Variants in ZNF562 observed in about 807,000 individuals in gnomAD.
The protein encoded by ZNF562 is zinc finger protein 562.
ZNF562 carries 13 observed loss-of-function variants against 17.5 expected under a neutral mutation model. The observed-to-expected ratio is 0.74, with a 90% CI of 0.48 to 1.18. The LOEUF (loss-of-function observed/expected upper bound fraction) is 1.18. Among genes scored for constraint, ZNF562 ranks in the 50% most tolerant of loss-of-function variants. The probability of loss-of-function intolerance (pLI) is 0.00; values close to 1 mark genes in which losing one functional copy is unlikely to be tolerated. For synonymous variants in ZNF562, 163 were observed against 165.4 expected (o/e 0.99, Z 0.11); for missense variants, 481 against 498.5 (o/e 0.96, Z 0.33).
chr19:9,657,864 A>AT (rs990325919), intron 4 of ZNF562, 145 bp downstream of exon 4: 1,312 of 1,145,700 alleles, frequency 1.1e-3, no homozygotes, highest in South Asian at 1.8e-3. Context: ...TATTCTTAGG[A>AT]TTTTTTTTTA....
chr19:9,666,323 C>CAA (rs112849375), intron 1 of ZNF562, among the ~76,000 whole-genome samples: 156 of 79,630 alleles, frequency 2.0e-3, no homozygotes, highest in Middle Eastern at 6.9e-3. Context: ...ACCTCCGTCT[C>CAA]AAAAAAAAAA....
chr19:9,655,647 T>TAACCTC (rs1488790744), intron 5 of ZNF562, among the ~76,000 whole-genome samples: 2 of 149,212 alleles, frequency 1.3e-5, no homozygotes, highest in Middle Eastern at 3.3e-3. Context: ...CTCAAAGTGC[T>TAACCTC]AACCTCAAGT....
intron 1 of ZNF562, among the ~76,000 whole-genome samples, chr19:9,669,715 C>T (rs10413953): frequency 0.16 from 18,671 of 114,634 alleles, 1,475 homozygotes; most frequent in Admixed American, 0.29. Flanking sequence ...TGCACGCGCG[C>T]GAGCGCGCGC....
intron 1 of ZNF562, among the ~76,000 whole-genome samples, chr19:9,661,791 T>C (rs888264800): frequency 1.2e-4 from 18 of 152,084 alleles, no homozygotes; most frequent in African/African-American, 4.3e-4. Context: ...CGAGACTCCA[T>C]CTCAAACAAC....
At chr19:9,656,871 A>AAAAAAATATATAT (rs376933513) in intron 4 of ZNF562, among the ~76,000 whole-genome samples, 20 of 142,442 alleles carry the variant, frequency 1.4e-4, no homozygotes, top group African/African-American at 3.4e-4. Context: ...AAAATACAAA[A>AAAAAAATATATAT]ATATATATAT....
intron 1 of ZNF562, among the ~76,000 whole-genome samples, chr19:9,667,216 T>C (rs893885418): frequency 1.3e-5 from 2 of 152,170 alleles, no homozygotes; most frequent in African/African-American, 4.8e-5. Flanking sequence ...GTTCAACATA[T>C]GCAAATCAAT....
In ZNF562 at chr19:9,643,626, GGCT is replaced by G. The variant is rs2074787511; in HGVS notation, c.*9320_*9322del. The stretch of plus-strand genomic sequence containing the variant: ...AAATGGAGTCTTGCTCTGTTGCCCA[GGCT>G]GGAATGCAGTGGCATGATCTTGGCT... On this transcript the variant is annotated 3_prime_UTR_variant, in exon 6 of 6. Transcript: ENST00000453372. 1 of 149,310 alleles carries G rather than the reference GGCT, an allele frequency of 6.7e-6. No homozygotes were observed. The highest frequency in any genetic ancestry group is 1.5e-5 in the Non-Finnish European group (1 of 67,600). 9.2% of individuals were successfully genotyped at this position (149,310 alleles called of 1,614,324 possible).
chr19:9,656,546 C>A lies in ZNF562; in HGVS notation c.348+1G>T. On this transcript the variant is annotated splice_donor_variant, in intron 5 of 5. Coordinates refer to ENST00000453372, the MANE Select transcript of ZNF562 (RefSeq NM_001130031.2). LOFTEE classifies it high-confidence loss of function. ...AAATAAGTATCCCTCATGAATCTTACCATTTGTATCCCAGTGAATATTTGA... is the reference window on the plus strand; with the variant it reads ...AAATAAGTATCCCTCATGAATCTTAACATTTGTATCCCAGTGAATATTTGA... 1.2e-6 allele frequency: 2 copies of A among 1,613,112 alleles called. No individual in the cohort carries two copies. The highest frequency in any genetic ancestry group is 4.5e-5 in the East Asian group (2 of 44,844).
chr19:9,663,070 C>A (rs2043816479), intron 1 of ZNF562, among the ~76,000 whole-genome samples: 1 of 151,400 alleles, frequency 6.6e-6, no homozygotes, highest in Admixed American at 6.6e-5. Context: ...TGGTACACAA[C>A]TAATGTAGAT....
At position 9,653,884 on chromosome 19, in the gene ZNF562, G is replaced by A. The variant is rs752438968; in HGVS notation, c.349-3C>T. ...CATCCACTGTAGCTTCTTGTCTGCT[G>A]ATGAGGGGATAAAGGATTTAAAATG... On this transcript the variant is annotated splice_polypyrimidine_tract_variant and splice_region_variant and intron_variant, in intron 5 of 5. Transcript: ENST00000453372. 13 of 1,545,346 alleles carry A rather than the reference G, an allele frequency of 8.4e-6. No homozygotes were observed. In the South Asian group the frequency reaches 1.7e-4, roughly 20 times the overall value.
intron 2 of ZNF562, 117 bp downstream of exon 2, chr19:9,660,603 T>C: frequency 5.0e-6 from 5 of 1,006,716 alleles, no homozygotes; most frequent in Non-Finnish European, 5.6e-6. Context: ...CAAAACTCCA[T>C]CTAAAAGAAA....
In ZNF562 at chr19:9,646,418, A is replaced by AT. The variant is rs1491160644; in HGVS notation, c.*6530dup. 2.0e-5 allele frequency: 3 copies of AT among 151,298 alleles called. No homozygotes were observed. The highest frequency in any genetic ancestry group is 6.6e-5 in the Admixed American group (1 of 15,238). The allele number at this position is 151,298 out of a possible 1,614,324, so 9.4% of individuals were successfully genotyped here. On this transcript the variant is annotated 3_prime_UTR_variant, in exon 6 of 6. Transcript: ENST00000453372. ...AGCTAAAGTATGTATAAAAAGACAC[A>AT]TTTTTTTAAAAAGCATACAGAAAGA...
At chr19:9,656,759 T>C in intron 4 of ZNF562, 106 bp from the exon 5 acceptor site, 1 of 1,129,556 alleles carries the variant, frequency 8.9e-7, no homozygotes, top group East Asian at 2.5e-5. Flanking sequence ...GCACGGTGAC[T>C]CAGGCCCGTA....
intron 1 of ZNF562, among the ~76,000 whole-genome samples, chr19:9,669,526 C>T (rs2044067220): frequency 1.3e-5 from 2 of 151,992 alleles, no homozygotes; most frequent in African/African-American, 4.8e-5. Flanking sequence ...ATTAGTACAG[C>T]CACTGTAGAG....
chr19:9,656,063 A>C (rs945933538), intron 5 of ZNF562, among the ~76,000 whole-genome samples: 1 of 151,998 alleles, frequency 6.6e-6, no homozygotes, highest in African/African-American at 2.4e-5. Flanking sequence ...GTATATTGCT[A>C]TACTGCCTAG....
intron 1 of ZNF562, among the ~76,000 whole-genome samples, chr19:9,670,672 G>T (rs1404180513): frequency 6.6e-6 from 1 of 152,122 alleles, no homozygotes; most frequent in Non-Finnish European, 1.5e-5. Flanking sequence ...GGCCAGAAGG[G>T]TAGGAAGGAG....
At chr19:9,656,515 A>G (rs767978464) in intron 5 of ZNF562, 32 bp downstream of exon 5, 1 of 1,608,958 alleles carries the variant, frequency 6.2e-7, no homozygotes, top group South Asian at 1.1e-5. Flanking sequence ...AAAAAACAGA[A>G]GAAAAAAATA....
chr19:9,674,324 C>T (rs755905620), intron 1 of ZNF562, among the ~76,000 whole-genome samples: 2 of 151,176 alleles, frequency 1.3e-5, no homozygotes, highest in Non-Finnish European at 3.0e-5. Context: ...AGCAGGTGAT[C>T]GAAAAAGGTT....
At chr19:9,671,053 A>T (rs950834808) in intron 1 of ZNF562, among the ~76,000 whole-genome samples, 5 of 152,130 alleles carry the variant, frequency 3.3e-5, no homozygotes, top group African/African-American at 1.2e-4. Context: ...GTTAGAAGAA[A>T]TAAGAACTGG....
Sources: gnomAD v4.1 joint callset for allele counts (sites outside exome capture counted in the v4.1 genomes callset) on GRCh38, gnomAD v4.1.1 for gene constraint, MANE v1.5 for transcripts, NCBI Gene and HGNC (gene_info 2026-07-23, HGNC 2026-07-21) for gene names.